THAP3: variants seen among roughly 807,000 people sequenced by gnomAD.
The protein encoded by THAP3 is THAP domain containing 3, also known as THAP domain-containing protein 3.
THAP3 carries 12 observed loss-of-function variants against 17.7 expected under a neutral mutation model. That is an observed-to-expected ratio of 0.68 (90% CI 0.43 to 1.10). The LOEUF is 1.10. Among genes scored for constraint, THAP3 ranks in the 50% least tolerant of loss-of-function variants. THAP3 has a pLI of 0.00. For missense variants in THAP3, 289 were observed against 318.0 expected (o/e 0.91, Z 0.69); for synonymous variants, 133 against 126.9 (o/e 1.05, Z -0.32).
downstream of THAP3, chr1:6,633,874 C>T: frequency 2.8e-6 from 2 of 707,292 alleles, no homozygotes; most frequent in Admixed American, 5.3e-5. Context: ...CACACCACTG[C>T]CCTCTAGTAT....
At chr1:6,634,457 C>T (rs145157732), downstream of THAP3, 1 of 1,299,980 alleles carries the variant, frequency 7.7e-7, no homozygotes, top group East Asian at 5.0e-5. Context: ...GGGAGGGAGG[C>T]CTGACTTCAG....
At chr1:6,628,749 G>A in intron 3 of THAP3, 58 bp downstream of exon 3, 3 of 1,532,646 alleles carry the variant, frequency 2.0e-6, no homozygotes, top group African/African-American at 1.4e-5. Flanking sequence ...TTTACCAGCA[G>A]CTGGGGGCAG....
Position 6,625,198 on chromosome 1 carries a change from G to A in THAP3, c.-21G>A, listed in dbSNP as rs762690247. 1.3e-6 allele frequency: 2 copies of A among 1,536,664 alleles called. No individual in the cohort carries two copies. The highest frequency in any genetic ancestry group is 1.4e-5 in the African/African-American group (1 of 71,488). On this transcript the variant is annotated 5_prime_UTR_variant, in exon 2 of 6. Coordinates refer to ENST00000054650, the MANE Select transcript of THAP3 (RefSeq NM_001195753.2). ...CGCCGCCGCCGCCATCTTTGTTGGG[G>A]GCAGCCAGGCCTGGCTCGAGATGCC... is the stretch of plus-strand genomic sequence containing the variant.
chr1:6,630,719 C>T (rs970685284), intron 4 of THAP3, among the ~76,000 whole-genome samples: 9 of 152,024 alleles, frequency 5.9e-5, no homozygotes, highest in African/African-American at 9.7e-5. Flanking sequence ...TACAGATGCC[C>T]GCTACCACGC....
chr1:6,630,382 G>A, intron 4 of THAP3, 29 bp downstream of exon 4: 3 of 1,610,624 alleles, frequency 1.9e-6, no homozygotes, highest in Non-Finnish European at 2.5e-6. Context: ...GTACTTGAAT[G>A]TTTAAATTAT....
At chr1:6,626,833 G>A (rs1557452679) in intron 2 of THAP3, among the ~76,000 whole-genome samples, 1 of 152,348 alleles carries the variant, frequency 6.6e-6, no homozygotes, top group Middle Eastern at 3.4e-3. Flanking sequence ...GCAACAGAGC[G>A]AGACTCCGTC....
At chr1:6,633,803 G>A (rs1296814631), downstream of THAP3, among the ~76,000 whole-genome samples, 2 of 152,126 alleles carry the variant, frequency 1.3e-5, no homozygotes, top group East Asian at 3.9e-4. Context: ...CCAGCTACCT[G>A]GGAGGCTGAG....
downstream of THAP3, chr1:6,634,598 CGA>C (rs747833659): frequency 2.1e-5 from 29 of 1,365,978 alleles, no homozygotes; most frequent in East Asian, 4.6e-5. Flanking sequence ...TTCCAGGCCC[CGA>C]GAGACAGGCC....
In THAP3 at chr1:6,625,231, T is replaced by G; in HGVS notation, c.13T>G (p.Cys5Gly). The G allele has an allele frequency of 6.5e-7, 1 of 1,543,532 alleles. No individual in the cohort carries two copies. The highest frequency in any genetic ancestry group is 8.7e-7 in the Non-Finnish European group (1 of 1,146,148). MPKS[C>G]AARQCCNRYS... Reference sequence around the variant, plus strand: ...GGCCTGGCTCGAGATGCCGAAGTCGTGCGCGGCCCGGCAGTGCTGCAACCG... The same window carrying G: ...GGCCTGGCTCGAGATGCCGAAGTCGGGCGCGGCCCGGCAGTGCTGCAACCG... The change falls in exon 2 of 6, where the codon TGC becomes GGC. Residue 5 changes from cysteine (C) to glycine (G), a missense_variant. By Grantham distance (159) the Cys-to-Gly change is radical. Coordinates refer to ENST00000054650, the MANE Select transcript of THAP3 (RefSeq NM_001195753.2).
intron 4 of THAP3, among the ~76,000 whole-genome samples, chr1:6,631,223 C>T (rs944894706): frequency 4.0e-5 from 6 of 151,068 alleles, no homozygotes; most frequent in East Asian, 3.9e-4. Context: ...TGCTATCTTG[C>T]CCAGTCTGGT....
At chr1:6,625,353 G>GAGGCCT in intron 2 of THAP3, 61 bp downstream of exon 2, 1 of 1,448,762 alleles carries the variant, frequency 6.9e-7, no homozygotes. Flanking sequence ...GACCGACTCC[G>GAGGCCT]AGGCCTTGGC....
At chr1:6,625,360 T>C (rs1641436709) in intron 2 of THAP3, 68 bp downstream of exon 2, 3 of 1,402,982 alleles carry the variant, frequency 2.1e-6, no homozygotes, top group Non-Finnish European at 2.8e-6. Context: ...TCCGAGGCCT[T>C]GGCGCGCCGG....
rs1570237139 is a variant in THAP3 at position 6,625,304 on chromosome 1, G to T, written c.74+12G>T. The stretch of plus-strand genomic sequence containing the variant: ...CTCACCTTCCACCGGTAAGAGGCGG[G>T]GACCCGGGGGCGCGGGAGGCCCAGA... On this transcript the variant is annotated intron_variant, in intron 2 of 5. Transcript: ENST00000054650. The T allele has an allele frequency of 6.5e-7, 1 of 1,528,260 alleles. No individual in the cohort carries two copies. 94.7% of individuals were successfully genotyped at this position (1,528,260 alleles called of 1,614,324 possible). A position where few individuals can be genotyped will look rare whatever the true frequency, so the allele number is the denominator to read the frequency against.
At chr1:6,625,856 A>G (rs964005933) in intron 2 of THAP3, among the ~76,000 whole-genome samples, 1 of 152,084 alleles carries the variant, frequency 6.6e-6, no homozygotes, top group African/African-American at 2.4e-5. Context: ...GCACATTCCG[A>G]AGGGGGGCTT....
intron 4 of THAP3, among the ~76,000 whole-genome samples, chr1:6,631,847 A>G (rs1382424523): frequency 1.3e-5 from 2 of 152,104 alleles, no homozygotes; most frequent in Admixed American, 6.5e-5. Context: ...AGATCGCACC[A>G]CTTCACTCCA....
At chr1:6,629,610 C>G (rs1054241230) in intron 3 of THAP3, 1 of 152,798 alleles carries the variant, frequency 6.5e-6, no homozygotes, top group Admixed American at 6.5e-5. Flanking sequence ...CTTCCTGTTT[C>G]CCTCATTGGT....
chr1:6,628,981 C>T (rs1641537383), intron 3 of THAP3, among the ~76,000 whole-genome samples: 1 of 152,216 alleles, frequency 6.6e-6, no homozygotes, highest in Admixed American at 6.5e-5. Flanking sequence ...GTGGGTGGAT[C>T]ACCTGAGGTC....
At chr1:6,634,764 A>C, downstream of THAP3, 1 of 1,333,628 alleles carries the variant, frequency 7.5e-7, no homozygotes, top group Non-Finnish European at 1.0e-6. Context: ...GACCTGCAGG[A>C]GCGGGGAGCT....
chr1:6,627,206 G>A (rs779553393), intron 2 of THAP3, among the ~76,000 whole-genome samples: 21 of 152,108 alleles, frequency 1.4e-4, no homozygotes, highest in Non-Finnish European at 8.8e-5. Context: ...CCCAGGGGTG[G>A]CTTCTAGCCA....
Sources: gnomAD v4.1 joint callset for allele counts (sites outside exome capture counted in the v4.1 genomes callset) on GRCh38, gnomAD v4.1.1 for gene constraint, MANE v1.5 for transcripts, NCBI Gene and HGNC (gene_info 2026-07-23, HGNC 2026-07-21) for gene names.